The following DLEU7 variants were observed in gnomAD, a reference collection of about 807,000 sequenced individuals.
DLEU7 encodes deleted in lymphocytic leukemia 7.
A neutral mutation model predicts 16.0 loss-of-function variants in DLEU7; 17 were observed. The observed-to-expected ratio is 1.06, with a 90% confidence interval of 0.73 to 1.59. The LOEUF is 1.59. Among genes scored for constraint, DLEU7 ranks in the 40% most tolerant of loss-of-function variants. The probability of loss-of-function intolerance (pLI) is 0.00; values close to 1 mark genes in which losing one functional copy is unlikely to be tolerated. For missense variants in DLEU7, 308 were observed against 314.9 expected, an observed-to-expected ratio of 0.98 and a Z score of 0.17; for synonymous variants, 113 against 139.8, an observed-to-expected ratio of 0.81 and a Z score of 1.35.
At chr13:50,727,068 A>G (rs1336295611) in intron 1 of DLEU7, among the ~76,000 whole-genome samples, 3 of 152,194 alleles carry the variant, frequency 2.0e-5, no homozygotes, top group South Asian at 2.1e-4. Context: ...ATAGCAGGCA[A>G]TGGAATGAAG....
chr13:50,760,582 C>G (rs1025343094), intron 1 of DLEU7, among the ~76,000 whole-genome samples: 1 of 152,294 alleles, frequency 6.6e-6, no homozygotes, highest in Admixed American at 6.5e-5. Flanking sequence ...AGGCTGGTCT[C>G]AAACTCCTGG....
At chr13:50,715,019 C>A (rs1873400760) in intron 1 of DLEU7, among the ~76,000 whole-genome samples, 1 of 152,166 alleles carries the variant, frequency 6.6e-6, no homozygotes, top group Non-Finnish European at 1.5e-5. Flanking sequence ...GGCCTCTGCG[C>A]CTTGTTGGCG....
intron 1 of DLEU7, among the ~76,000 whole-genome samples, chr13:50,759,976 T>TC (rs1874878419): frequency 6.6e-6 from 1 of 152,200 alleles, no homozygotes; most frequent in Admixed American, 6.5e-5. Context: ...CCCATGTAGC[T>TC]CATCAGTCAG....
In DLEU7 at chr13:50,777,722, C is replaced by G. The variant is rs543744944; in HGVS notation, c.460-64482G>C. Reference sequence around the variant, plus strand: ...CCATTGTTTAAAGTAATATCTTTCTCTCATCATTTAACAGGATTAGATCAA... The same window carrying G: ...CCATTGTTTAAAGTAATATCTTTCTGTCATCATTTAACAGGATTAGATCAA... On this transcript the variant is annotated intron_variant, in intron 1 of 1. Coordinates refer to the DLEU7 transcript ENST00000400393. Among the ~76,000 whole-genome samples the G allele has an allele frequency of 5.3e-5, 8 of 152,262 alleles. No homozygotes were observed. The East Asian group carries it at 1.4e-3, about 26-fold the overall frequency.
chr13:50,723,421 C>T (rs1873674446), intron 1 of DLEU7, among the ~76,000 whole-genome samples: 1 of 151,292 alleles, frequency 6.6e-6, no homozygotes, highest in African/African-American at 2.4e-5. Context: ...ATTGTACACA[C>T]ACACACACAC....
At chr13:50,777,968 CTCTTACCA>C (rs1314579390) in intron 1 of DLEU7, among the ~76,000 whole-genome samples, 1 of 152,206 alleles carries the variant, frequency 6.6e-6, no homozygotes, top group Non-Finnish European at 1.5e-5. Context: ...CCAGACCTAT[CTCTTACCA>C]TCTGGATATC....
chr13:50,741,850 A>G (rs776338601), intron 1 of DLEU7, among the ~76,000 whole-genome samples: 1 of 152,190 alleles, frequency 6.6e-6, no homozygotes, highest in Non-Finnish European at 1.5e-5. Flanking sequence ...TGTCCATTTT[A>G]CAGACTTTTC....
chr13:50,734,844 A>T (rs1384354285), intron 1 of DLEU7, among the ~76,000 whole-genome samples: 1 of 152,210 alleles, frequency 6.6e-6, no homozygotes, highest in Non-Finnish European at 1.5e-5. Flanking sequence ...ATAGTTTTAC[A>T]ACTTAAGGAA....
At chr13:50,835,050 G>A (rs949404889) in intron 1 of DLEU7, among the ~76,000 whole-genome samples, 10 of 151,516 alleles carry the variant, frequency 6.6e-5, no homozygotes, top group South Asian at 2.1e-4. Context: ...TAGGGGGGTG[G>A]GGGGCTAGGG....
At chr13:50,802,264 TCTC>T (rs1876272933) in intron 1 of DLEU7, among the ~76,000 whole-genome samples, 1 of 152,034 alleles carries the variant, frequency 6.6e-6, no homozygotes, top group Admixed American at 6.6e-5. Flanking sequence ...AACTGATGCT[TCTC>T]CACCCAGGAA....
intron 1 of DLEU7, among the ~76,000 whole-genome samples, chr13:50,835,618 C>T (rs1310056853): frequency 6.6e-6 from 1 of 152,208 alleles, no homozygotes; most frequent in African/African-American, 2.4e-5. Flanking sequence ...GAACCTTCTA[C>T]ACCCCATGTA....
rs111960700 is a variant in DLEU7 at position 50,794,818 on chromosome 13, T to A, written c.459+48370A>T. 9.5e-3 allele frequency among the ~76,000 whole-genome samples: 1,442 copies of A among 152,266 alleles called. 14 individuals are homozygous for A. The highest frequency in any genetic ancestry group is 0.015 in the Non-Finnish European group (1,054 of 68,012). On this transcript the variant is annotated intron_variant, in intron 1 of 1. Transcript: ENST00000400393. ...GATTTATACCCAGATTTACTTCAAA[T>A]GACTTTTATACATGAGATTAAAGGT...
intron 1 of DLEU7, among the ~76,000 whole-genome samples, chr13:50,797,997 A>C (rs1361215452): frequency 6.6e-6 from 1 of 152,198 alleles, no homozygotes; most frequent in Admixed American, 6.5e-5. Context: ...TTCACAGTCT[A>C]ACAGATGGGT....
At chr13:50,804,631 A>C (rs1876339721) in intron 1 of DLEU7, among the ~76,000 whole-genome samples, 2 of 151,862 alleles carry the variant, frequency 1.3e-5, no homozygotes, top group African/African-American at 4.8e-5. Context: ...TTTTTATTAG[A>C]GATGGGATTT....
chr13:50,788,075 T>A (rs1237533953), intron 1 of DLEU7, among the ~76,000 whole-genome samples: 2 of 152,194 alleles, frequency 1.3e-5, no homozygotes, highest in African/African-American at 4.8e-5. Flanking sequence ...GATAATCTGA[T>A]AGCATCTCTA....
chr13:50,815,246 A>G (rs1449541038), intron 1 of DLEU7, among the ~76,000 whole-genome samples: 3 of 152,116 alleles, frequency 2.0e-5, no homozygotes, highest in African/African-American at 7.2e-5. Flanking sequence ...ATTTGGGAGC[A>G]TGTTAGATAC....
chr13:50,749,229 T>A (rs1874490143), intron 1 of DLEU7, among the ~76,000 whole-genome samples: 1 of 152,112 alleles, frequency 6.6e-6, no homozygotes, highest in African/African-American at 2.4e-5. Flanking sequence ...TCATTCCTTT[T>A]TATGGCCAAG....
At chr13:50,733,176 C>G (rs990982813) in intron 1 of DLEU7, among the ~76,000 whole-genome samples, 32 of 152,190 alleles carry the variant, frequency 2.1e-4, no homozygotes, top group South Asian at 2.1e-4. Flanking sequence ...GTTTTAAAAA[C>G]AGTGATGATG....
At chr13:50,715,116 C>T (rs138821431) in intron 1 of DLEU7, among the ~76,000 whole-genome samples, 103 of 152,304 alleles carry the variant, frequency 6.8e-4, no homozygotes, top group African/African-American at 2.4e-3. Context: ...CTTGCAGCCT[C>T]TCTCTGATTC....
Sources: allele counts gnomAD v4.1 joint callset (sites outside exome capture counted in the v4.1 genomes callset), GRCh38; gene constraint gnomAD v4.1.1; transcripts MANE v1.5; gene names NCBI Gene and HGNC (gene_info 2026-07-23, HGNC 2026-07-21).